RIMKLB: variants seen among roughly 807,000 people sequenced by gnomAD.
RIMKLB encodes the protein beta-citrylglutamate synthase B.
RIMKLB carries 7 observed loss-of-function variants against 32.0 expected under a neutral mutation model. The observed-to-expected ratio is 0.22, with a 90% CI of 0.12 to 0.41. The LOEUF is 0.41. Among genes scored for constraint, RIMKLB ranks in the 10% least tolerant of loss-of-function variants. The pLI is 1.00. For synonymous variants in RIMKLB, 172 were observed against 185.1 expected (o/e 0.93, Z 0.57); for missense variants, 289 against 498.7 (o/e 0.58, Z 4.00).
chr12:8,746,484 G>C (rs566892937), intron 2 of RIMKLB, among the ~76,000 whole-genome samples: 19 of 150,964 alleles, frequency 1.3e-4, no homozygotes, highest in Non-Finnish European at 2.6e-4. Context: ...TGTGGTCCCA[G>C]CTACTTAGGA....
At chr12:8,680,305 C>T (rs183539039), upstream of RIMKLB, among the ~76,000 whole-genome samples, 87 of 152,186 alleles carry the variant, frequency 5.7e-4, no homozygotes, top group East Asian at 0.012. Flanking sequence ...TACAGGCGCC[C>T]GCCACCACGC....
chr12:8,703,516 G>A (rs771897551), intron 1 of RIMKLB, among the ~76,000 whole-genome samples: 3 of 151,732 alleles, frequency 2.0e-5, no homozygotes, highest in Non-Finnish European at 4.4e-5. Context: ...TTCACTTTTT[G>A]TAGAGATGAG....
upstream of RIMKLB, among the ~76,000 whole-genome samples, chr12:8,677,894 A>G (rs973050627): frequency 2.6e-5 from 4 of 151,428 alleles, no homozygotes; most frequent in African/African-American, 9.7e-5. Context: ...CTGGGACTAC[A>G]GGCATGCGCC....
downstream of RIMKLB, among the ~76,000 whole-genome samples, chr12:8,781,306 C>T (rs1456850599): frequency 3.9e-5 from 6 of 152,208 alleles, no homozygotes; most frequent in Non-Finnish European, 4.4e-5. Context: ...CAAGTCACTG[C>T]ACTCCAGCCT....
intron 1 of RIMKLB, among the ~76,000 whole-genome samples, chr12:8,709,464 C>G (rs1944180539): frequency 6.6e-6 from 1 of 152,260 alleles, no homozygotes; most frequent in Non-Finnish European, 1.5e-5. Context: ...GGGGCAGAAG[C>G]AGGCAGGCAC....
intron 5 of RIMKLB, 105 bp downstream of exon 5, chr12:8,754,198 AC>A (rs1948839165): frequency 3.8e-6 from 3 of 795,988 alleles, no homozygotes; most frequent in African/African-American, 1.7e-5. Flanking sequence ...AAGTTGAAAA[AC>A]GTATTTCCTT....
chr12:8,760,742 T>A (rs1391328723), intron 5 of RIMKLB, among the ~76,000 whole-genome samples: 1 of 152,248 alleles, frequency 6.6e-6, no homozygotes, highest in Non-Finnish European at 1.5e-5. Flanking sequence ...ATAAATGACT[T>A]CTTTTGAGAA....
rs117452585 is a variant in RIMKLB at position 8,729,817 on chromosome 12, C to G, written c.175+15776C>G. ...CATTTTGTTTATCCATTTTGCATTCCCATCAAGAGTGTACAAGGGTTTCAA... is the reference window on the plus strand; with the variant it reads ...CATTTTGTTTATCCATTTTGCATTCGCATCAAGAGTGTACAAGGGTTTCAA... On this transcript the variant is annotated intron_variant, in intron 2 of 5. Coordinates refer to ENST00000535829, the MANE Select transcript of RIMKLB (RefSeq NM_001297776.2). 7.9e-3 allele frequency among the ~76,000 whole-genome samples: 1,208 copies of G among 152,186 alleles called. 3 individuals are homozygous for G. Among genetic ancestry groups the G allele is most frequent in the Non-Finnish European group, 0.013 (873 of 68,008 alleles).
At chr12:8,673,026 T>C in the RIMKLB span, among the ~76,000 whole-genome samples, 2 of 152,120 alleles carry the variant, frequency 1.3e-5, no homozygotes, top group Admixed American at 6.6e-5. Flanking sequence ...GAATTACAGG[T>C]GCCCGCCACC....
intron 1 of RIMKLB, among the ~76,000 whole-genome samples, chr12:8,686,631 C>T (rs1246910710): frequency 6.6e-6 from 1 of 151,640 alleles, no homozygotes; most frequent in East Asian, 1.9e-4. Context: ...AGGCGCCCGC[C>T]ACCACGCCCG....
At chr12:8,715,228 C>CCT (rs1445737752) in intron 2 of RIMKLB, among the ~76,000 whole-genome samples, 27 of 123,738 alleles carry the variant, frequency 2.2e-4, no homozygotes, top group African/African-American at 8.9e-4. Context: ...TGCTCTTGTT[C>CCT]TTTTTTTTTT....
chr12:8,682,601 A>T (rs1942440993), intron 1 of RIMKLB, among the ~76,000 whole-genome samples: 1 of 151,276 alleles, frequency 6.6e-6, no homozygotes, highest in Admixed American at 6.6e-5. Context: ...TGAAACCCTG[A>T]CTCTACTAAG....
chr12:8,752,979 C>G (rs1948741134), intron 4 of RIMKLB, among the ~76,000 whole-genome samples: 2 of 152,190 alleles, frequency 1.3e-5, no homozygotes. Flanking sequence ...CTCCTGACTT[C>G]TGGTGATCCA....
In RIMKLB at chr12:8,776,161, G is replaced by T. The variant is rs948809648; in HGVS notation, c.*2377G>T. ...TAAGGCATCAGGAAAAATGTAGTTA[G>T]TCTTTTCTTAACTTATACCAAATTA... On this transcript the variant is annotated 3_prime_UTR_variant, in exon 6 of 6. Coordinates refer to ENST00000535829, the MANE Select transcript of RIMKLB (RefSeq NM_001297776.2). 3.0e-6 allele frequency: 3 copies of T among 984,584 alleles called. No homozygotes were observed. The highest frequency in any genetic ancestry group is 3.6e-6 in the Non-Finnish European group (3 of 829,342). 61.0% of individuals were successfully genotyped at this position (984,584 alleles called of 1,614,324 possible).
intron 1 of RIMKLB, among the ~76,000 whole-genome samples, chr12:8,701,807 C>T (rs868857375): frequency 2.6e-5 from 4 of 151,942 alleles, no homozygotes; most frequent in Middle Eastern, 3.4e-3. Context: ...GAGTTTGAGA[C>T]CAGCCTGGCC....
chr12:8,709,396 G>A (rs1014483050), intron 1 of RIMKLB, among the ~76,000 whole-genome samples: 10 of 152,218 alleles, frequency 6.6e-5, no homozygotes, highest in South Asian at 2.1e-4. Context: ...AAAAGTAGAT[G>A]TTTTGAAATT....
intron 2 of RIMKLB, among the ~76,000 whole-genome samples, chr12:8,716,170 A>G (rs1406989643): frequency 6.6e-6 from 1 of 152,202 alleles, no homozygotes; most frequent in Non-Finnish European, 1.5e-5. Flanking sequence ...ATAACACAAA[A>G]TTTGGGAGGT....
intron 2 of RIMKLB, among the ~76,000 whole-genome samples, chr12:8,735,990 A>G (rs1334471170): frequency 1.3e-5 from 2 of 152,108 alleles, no homozygotes; most frequent in East Asian, 3.9e-4. Flanking sequence ...TCAGCCTCCC[A>G]AAGTGCTGGG....
chr12:8,761,565 A>G (rs977075328), intron 5 of RIMKLB, among the ~76,000 whole-genome samples: 1 of 151,910 alleles, frequency 6.6e-6, no homozygotes, highest in Non-Finnish European at 1.5e-5. Flanking sequence ...TGATTTGACT[A>G]TTTCTTTACC....
Sources: allele counts gnomAD v4.1 joint callset (sites outside exome capture counted in the v4.1 genomes callset), GRCh38; gene constraint gnomAD v4.1.1; transcripts MANE v1.5; gene names NCBI Gene and HGNC (gene_info 2026-07-23, HGNC 2026-07-21).